The following YEATS2 variants were observed in gnomAD, a reference collection of about 807,000 sequenced individuals.
YEATS2 encodes YEATS domain containing 2.
YEATS2 carries 77 observed loss-of-function variants against 163.2 expected under a neutral mutation model. The ratio of observed to expected loss-of-function variants is 0.47; its 90% CI spans 0.39 to 0.57. The LOEUF (loss-of-function observed/expected upper bound fraction) is 0.57, where lower values mean the gene tolerates loss of function less well. YEATS2 is among the 20% of genes least tolerant of loss of function. YEATS2 has a pLI of 0.00. For missense variants in YEATS2, 1,549 were observed against 1,729.8 expected (o/e 0.90, Z 1.85); for synonymous variants, 631 against 645.1 (o/e 0.98, Z 0.33).
intron 8 of YEATS2, among the ~76,000 whole-genome samples, chr3:183,746,647 C>T (rs1361556440): frequency 7.0e-6 from 1 of 141,912 alleles, no homozygotes; most frequent in Non-Finnish European, 1.5e-5. Context: ...TGGATGTAAC[C>T]TAAAATTACC....
intron 20 of YEATS2, among the ~76,000 whole-genome samples, chr3:183,789,525 A>ATTTTTT (rs143473253): frequency 0.068 from 4,544 of 66,346 alleles, 1,062 homozygotes; most frequent in East Asian, 0.21. Context: ...ATTCGAGTTA[A>ATTTTTT]TTTTTTTTTT....
intron 10 of YEATS2, among the ~76,000 whole-genome samples, chr3:183,753,221 A>T (rs1014384662): frequency 6.6e-6 from 1 of 152,200 alleles, no homozygotes; most frequent in Non-Finnish European, 1.5e-5. Context: ...TTAAGAAAAG[A>T]TTCATCACCA....
At chr3:183,738,322 A>C (rs1344273906) in intron 8 of YEATS2, among the ~76,000 whole-genome samples, 1 of 152,020 alleles carries the variant, frequency 6.6e-6, no homozygotes, top group African/African-American at 2.4e-5. Flanking sequence ...AAGCATGTTG[A>C]AAGCCAAGAT....
At chr3:183,779,555 A>G (rs1723348570) in intron 19 of YEATS2, among the ~76,000 whole-genome samples, 1 of 152,176 alleles carries the variant, frequency 6.6e-6, no homozygotes, top group Non-Finnish European at 1.5e-5. Flanking sequence ...CAAAAAAATA[A>G]GATTTTGTAG....
chr3:183,747,753 T>C (rs769459707), intron 9 of YEATS2, 37 bp downstream of exon 9: 1 of 1,587,802 alleles, frequency 6.3e-7, no homozygotes, highest in Non-Finnish European at 8.6e-7. Flanking sequence ...TGGGAATGAG[T>C]AGGATGAAAA....
intron 9 of YEATS2, among the ~76,000 whole-genome samples, chr3:183,749,038 GT>G (rs1408120716): frequency 1.3e-5 from 2 of 151,946 alleles, no homozygotes; most frequent in Non-Finnish European, 2.9e-5. Context: ...CGCCTCCCGG[GT>G]TCACGCCATT....
At chr3:183,768,299 A>C (rs1577148749) in intron 15 of YEATS2, among the ~76,000 whole-genome samples, 1 of 152,084 alleles carries the variant, frequency 6.6e-6, no homozygotes, top group Non-Finnish European at 1.5e-5. Flanking sequence ...GGGGAGGGAG[A>C]GCTGAGGGCA....
rs1716519941 is a variant in YEATS2 at position 183,721,818 on chromosome 3, G to A, written c.292-73G>A. ...ATGATCCTGTAATAGATAAGGTTTT[G>A]GAGAGATCAGATTTTTGCCTGCTTT... On this transcript the variant is annotated intron_variant, in intron 4 of 30. Transcript: ENST00000305135. 6 of 1,564,946 alleles carry A rather than the reference G, an allele frequency of 3.8e-6. No homozygotes were observed. In the East Asian group the frequency reaches 1.1e-4, roughly 29 times the overall value.
In YEATS2 at chr3:183,804,197, TC is replaced by T; in HGVS notation, c.3784+10del. On this transcript the variant is annotated intron_variant, in intron 27 of 30. Transcript: ENST00000305135. The stretch of plus-strand genomic sequence containing the variant: ...GATCGACAGCGAGCCCGGTAAGCCT[TC>T]AGTGGCACTGCCCAGAGCGCCTGGC... 3 of 1,614,064 alleles carry T rather than the reference TC, an allele frequency of 1.9e-6. No individual in the cohort carries two copies. The highest frequency in any genetic ancestry group is 2.5e-6 in the Non-Finnish European group (3 of 1,180,002).
At chr3:183,734,419 T>C (rs765154736) in intron 7 of YEATS2, among the ~76,000 whole-genome samples, 21 of 152,160 alleles carry the variant, frequency 1.4e-4, no homozygotes, top group Non-Finnish European at 2.8e-4. Flanking sequence ...AGAGTGGTTG[T>C]AAGGATTAGG....
In YEATS2 at chr3:183,757,084, T is replaced by C. The variant is rs78777132; in HGVS notation, c.1552+395T>C. Among the ~76,000 whole-genome samples the C allele has an allele frequency of 8.3e-4, 126 of 152,214 alleles. 3 individuals are homozygous for C. In the East Asian group the frequency reaches 0.023, roughly 27 times the overall value. On this transcript the variant is annotated intron_variant, in intron 12 of 30. Coordinates refer to ENST00000305135, the MANE Select transcript of YEATS2 (RefSeq NM_018023.5). ...CTCCCCAGTCAAATAAAAAATGATA[T>C]TATTTTCTTCAAGGAAGACCCATTC...
At chr3:183,785,454 A>C (rs537097980) in intron 19 of YEATS2, among the ~76,000 whole-genome samples, 2 of 146,396 alleles carry the variant, frequency 1.4e-5, no homozygotes, top group African/African-American at 2.6e-5. Context: ...GCGCCACTGC[A>C]CTCCAGCCTG....
intron 19 of YEATS2, among the ~76,000 whole-genome samples, chr3:183,779,373 G>A (rs1723332606): frequency 2.0e-5 from 3 of 152,178 alleles, no homozygotes. Context: ...ACAAGGCCCT[G>A]CAGTTCACTG....
intron 1 of YEATS2, among the ~76,000 whole-genome samples, chr3:183,713,061 A>G (rs986201645): frequency 3.3e-5 from 5 of 152,146 alleles, no homozygotes; most frequent in Non-Finnish European, 7.4e-5. Flanking sequence ...TTGCCTGTAC[A>G]TGGCCTGTAC....
intron 8 of YEATS2, among the ~76,000 whole-genome samples, chr3:183,744,021 A>T (rs1719247194): frequency 6.6e-6 from 1 of 151,824 alleles, no homozygotes; most frequent in Non-Finnish European, 1.5e-5. Flanking sequence ...GAAGCACTGG[A>T]ACCAAATAAA....
chr3:183,788,078 T>C (rs1423606490), intron 20 of YEATS2, among the ~76,000 whole-genome samples: 2 of 152,206 alleles, frequency 1.3e-5, no homozygotes, highest in African/African-American at 4.8e-5. Context: ...GATGTTTTGA[T>C]GCAGGCATAC....
In YEATS2 at chr3:183,807,524, G is replaced by T. The variant is rs148301440; in HGVS notation, c.4011+432G>T. ...GATAGCTCCTGAGTGCCCCGCCTGT[G>T]GTGCAGATGGCGTGCACCTGCCTTA... On this transcript the variant is annotated intron_variant, in intron 28 of 30. Transcript: ENST00000305135. 3.8e-5 allele frequency: 9 copies of T among 235,662 alleles called. No homozygotes were observed. In the East Asian group the frequency reaches 9.1e-4, roughly 24 times the overall value. The allele number at this position is 235,662 out of a possible 1,614,324, so 14.6% of individuals were successfully genotyped here.
At chr3:183,762,750 A>G (rs569176542) in intron 15 of YEATS2, among the ~76,000 whole-genome samples, 1 of 151,644 alleles carries the variant, frequency 6.6e-6, no homozygotes, top group South Asian at 2.1e-4. Flanking sequence ...TATTGAGAGA[A>G]TTTTAAAATA....
intron 1 of YEATS2, among the ~76,000 whole-genome samples, chr3:183,704,107 C>T (rs191687985): frequency 2.6e-5 from 4 of 151,152 alleles, no homozygotes; most frequent in Non-Finnish European, 5.9e-5. Context: ...GCCGATATTG[C>T]GCCACTGCAA....
Sources: allele counts gnomAD v4.1 joint callset (sites outside exome capture counted in the v4.1 genomes callset), GRCh38; gene constraint gnomAD v4.1.1; transcripts MANE v1.5; gene names NCBI Gene and HGNC (gene_info 2026-07-23, HGNC 2026-07-21).